The following CSNK1G1 variants were observed in gnomAD, a reference collection of about 807,000 sequenced individuals.
CSNK1G1 encodes casein kinase I isoform gamma-1.
CSNK1G1 carries 22 observed loss-of-function variants against 59.6 expected under a neutral mutation model. The ratio of observed to expected loss-of-function variants is 0.37; its 90% CI spans 0.26 to 0.53. The LOEUF (loss-of-function observed/expected upper bound fraction) is 0.53, where lower values mean the gene tolerates loss of function less well. Among genes scored for constraint, CSNK1G1 ranks in the 20% least tolerant of loss-of-function variants. CSNK1G1 has a pLI of 0.89. For synonymous variants in CSNK1G1, 179 were observed against 177.1 expected (o/e 1.01, Z -0.08); for missense variants, 384 against 519.5 (o/e 0.74, Z 2.54).
In CSNK1G1 at chr15:64,216,554, C is replaced by T. The variant is rs1307219825; in HGVS notation, c.444+8G>A. The T allele has an allele frequency of 1.2e-6, 2 of 1,613,588 alleles. No homozygotes were observed. The highest frequency in any genetic ancestry group is 1.7e-6 in the Non-Finnish European group (2 of 1,179,670). On this transcript the variant is annotated splice_region_variant and intron_variant, in intron 5 of 11. Coordinates refer to ENST00000303052, the MANE Select transcript of CSNK1G1 (RefSeq NM_022048.5). This position sits in a 1 kb window ranked among gnomAD's most constrained non-coding sequence, Gnocchi z 4.6. The stretch of plus-strand genomic sequence containing the variant: ...TTATTCTCTTCTAGAAGAGCAATTC[C>T]AACTTACCAGCTGGATGGCTATCAT...
At chr15:64,178,399 C>T (rs2140206555) in intron 11 of CSNK1G1, among the ~76,000 whole-genome samples, 1 of 151,014 alleles carries the variant, frequency 6.6e-6, no homozygotes, top group Non-Finnish European at 1.5e-5. Context: ...AGGGGCTCAA[C>T]AAAAGACAGT....
chr15:64,277,116 T>C (rs889483601), intron 2 of CSNK1G1, among the ~76,000 whole-genome samples: 11 of 152,074 alleles, frequency 7.2e-5, no homozygotes, highest in Admixed American at 1.3e-4. Flanking sequence ...AATAAGAATA[T>C]AGACCTCTAT....
chr15:64,190,306 G>C lies in CSNK1G1; in HGVS notation c.1108-9852C>G, dbSNP rs1330409316. On this transcript the variant is annotated intron_variant, in intron 10 of 11. Coordinates refer to ENST00000303052, the MANE Select transcript of CSNK1G1 (RefSeq NM_022048.5). ...TTTATGCTGCTAGTTATGTTAGAGA[G>C]AATCAAAGCTACCCAAAATATTCCC... Among the ~76,000 whole-genome samples the C allele has an allele frequency of 2.0e-5, 3 of 152,166 alleles. No individual in the cohort carries two copies. In the East Asian group the frequency reaches 5.8e-4, roughly 29 times the overall value.
intron 11 of CSNK1G1, among the ~76,000 whole-genome samples, chr15:64,177,617 C>G (rs2081756848): frequency 1.3e-5 from 2 of 152,252 alleles, no homozygotes; most frequent in South Asian, 4.1e-4. Context: ...GTCCTTTTTG[C>G]TAAATGACAA....
chr15:64,236,142 C>CAAAAAAAA (rs532663571), intron 4 of CSNK1G1, among the ~76,000 whole-genome samples: 2 of 68,022 alleles, frequency 2.9e-5, no homozygotes, highest in African/African-American at 4.3e-5. Flanking sequence ...GACTCCATCT[C>CAAAAAAAA]AAAAAAAAAA....
At chr15:64,267,440 A>G (rs1248831959) in intron 2 of CSNK1G1, among the ~76,000 whole-genome samples, 4 of 152,162 alleles carry the variant, frequency 2.6e-5, no homozygotes, top group Non-Finnish European at 5.9e-5. Context: ...AGACCATATA[A>G]GGAACTTGAA....
chr15:64,230,491 TC>T (rs1174348464), intron 4 of CSNK1G1, among the ~76,000 whole-genome samples: 1 of 151,732 alleles, frequency 6.6e-6, no homozygotes, highest in Non-Finnish European at 1.5e-5. Context: ...TGAGACAGGG[TC>T]CCACTAGGTT....
intron 4 of CSNK1G1, among the ~76,000 whole-genome samples, chr15:64,248,561 G>A (rs1431310084): frequency 1.9e-4 from 29 of 152,174 alleles, no homozygotes; most frequent in Non-Finnish European, 5.9e-5. Context: ...ATGGCAGGGA[G>A]TGGGGAGAGT....
intron 10 of CSNK1G1, among the ~76,000 whole-genome samples, chr15:64,197,717 CA>C (rs2082055534): frequency 6.6e-6 from 1 of 152,084 alleles, no homozygotes. Context: ...CATTCTGTGC[CA>C]AAAGATTTCA....
chr15:64,185,531 G>C (rs1443784675), intron 10 of CSNK1G1, among the ~76,000 whole-genome samples: 1 of 152,144 alleles, frequency 6.6e-6, no homozygotes, highest in Admixed American at 6.5e-5. Flanking sequence ...TGTTTCAAAA[G>C]AGTTGCCAAA....
chr15:64,307,306 C>A (rs1420679796), intron 1 of CSNK1G1, among the ~76,000 whole-genome samples: 3 of 151,838 alleles, frequency 2.0e-5, no homozygotes, highest in Non-Finnish European at 4.4e-5. Context: ...AAAACTGTAC[C>A]CAAAAAATCT....
intron 1 of CSNK1G1, among the ~76,000 whole-genome samples, chr15:64,308,843 G>A (rs1312230578): frequency 1.3e-5 from 2 of 151,464 alleles, no homozygotes; most frequent in Admixed American, 6.6e-5. Context: ...CTTGCAGTGA[G>A]CCAAGATCAC....
intron 1 of CSNK1G1, among the ~76,000 whole-genome samples, chr15:64,324,362 T>C (rs1214163384): frequency 6.6e-6 from 1 of 152,140 alleles, no homozygotes; most frequent in Non-Finnish European, 1.5e-5. Context: ...ATCTGGGTGG[T>C]ACCATCTAAT....
chr15:64,279,322 C>T (rs1056500688), intron 2 of CSNK1G1, among the ~76,000 whole-genome samples: 1 of 152,166 alleles, frequency 6.6e-6, no homozygotes, highest in Non-Finnish European at 1.5e-5. Context: ...TCTGTTTTGA[C>T]TGCTATTGTA....
intron 11 of CSNK1G1, among the ~76,000 whole-genome samples, chr15:64,175,746 C>G (rs1047189915): frequency 5.9e-5 from 9 of 152,206 alleles, no homozygotes; most frequent in Admixed American, 1.3e-4. Context: ...GGAGCTCCCC[C>G]TTTTTTGAGG....
chr15:64,317,899 AAAT>A (rs1896358890), intron 1 of CSNK1G1, among the ~76,000 whole-genome samples: 1 of 152,208 alleles, frequency 6.6e-6, no homozygotes, highest in Non-Finnish European at 1.5e-5. Flanking sequence ...TTTACCTGGT[AAAT>A]AATACCAGTT....
intron 4 of CSNK1G1, among the ~76,000 whole-genome samples, chr15:64,234,840 T>C (rs957786872): frequency 2.0e-5 from 3 of 152,118 alleles, no homozygotes; most frequent in African/African-American, 4.8e-5. Flanking sequence ...TGGACCAGGA[T>C]TGAAAAGCTG....
intron 2 of CSNK1G1, among the ~76,000 whole-genome samples, chr15:64,290,397 TAAAAA>T (rs963670213): frequency 6.6e-6 from 1 of 151,888 alleles, no homozygotes; most frequent in Non-Finnish European, 1.5e-5. Context: ...ATTCCGCCCT[TAAAAA>T]AATAATAAAA....
At chr15:64,222,743 G>A (rs1258990310) in intron 4 of CSNK1G1, among the ~76,000 whole-genome samples, 1 of 151,046 alleles carries the variant, frequency 6.6e-6, no homozygotes, top group Non-Finnish European at 1.5e-5. Context: ...GAATTTCTAG[G>A]AGTGGAAGCA....
Sources: gnomAD v4.1 joint callset for allele counts (sites outside exome capture counted in the v4.1 genomes callset) on GRCh38, gnomAD v4.1.1 for gene constraint, Gnocchi (gnomAD v3.1) non-coding constraint, MANE v1.5 for transcripts, NCBI Gene and HGNC (gene_info 2026-07-23, HGNC 2026-07-21) for gene names.